NCOA1: variants seen among roughly 807,000 people sequenced by gnomAD.
NCOA1 encodes nuclear receptor coactivator 1.
NCOA1 carries 35 observed loss-of-function variants against 150.9 expected under a neutral mutation model. The observed-to-expected ratio is 0.23, with a 90% confidence interval of 0.18 to 0.31. NCOA1 has a LOEUF of 0.31. NCOA1 is among the 10% of genes least tolerant of loss of function. The pLI is 1.00. For synonymous variants in NCOA1, 590 were observed against 630.0 expected (o/e 0.94, Z 0.95); for missense variants, 1,491 against 1,749.3 (o/e 0.85, Z 2.63).
chr2:24,654,561 G>A (rs1010220522), intron 4 of NCOA1, among the ~76,000 whole-genome samples: 5 of 152,068 alleles, frequency 3.3e-5, no homozygotes, highest in African/African-American at 7.2e-5. Flanking sequence ...TTCAGATACC[G>A]GATTACTAAG....
At position 24,733,200 on chromosome 2, in the gene NCOA1, A is replaced by G. The variant is rs577633824; in HGVS notation, c.3201+3385A>G. 9.2e-5 allele frequency among the ~76,000 whole-genome samples: 14 copies of G among 152,328 alleles called. No individual in the cohort carries two copies. In the South Asian group the frequency reaches 2.9e-3, roughly 32 times the overall value. Reference sequence around the variant, plus strand: ...TTAAATATATTGTTTAAAGTTATATAGTTAAATTCACAGTTGGGATAAAAT... The same window carrying G: ...TTAAATATATTGTTTAAAGTTATATGGTTAAATTCACAGTTGGGATAAAAT... On this transcript the variant is annotated intron_variant, in intron 17 of 22. Transcript: ENST00000348332.
chr2:24,728,553 G>C (rs1662817649), intron 16 of NCOA1, 77 bp downstream of exon 16: 1 of 1,295,502 alleles, frequency 7.7e-7, no homozygotes, highest in Non-Finnish European at 1.1e-6. Context: ...AGATTTTAAA[G>C]TATTGTACCC....
intron 2 of NCOA1, among the ~76,000 whole-genome samples, chr2:24,571,652 T>C (rs551206909): frequency 1.2e-3 from 190 of 152,342 alleles, no homozygotes; most frequent in African/African-American, 4.2e-3. Context: ...CTTTTGTTTC[T>C]CTTAGTGCGC....
intron 1 of NCOA1, among the ~76,000 whole-genome samples, chr2:24,518,292 T>C (rs975011966): frequency 1.3e-5 from 2 of 152,010 alleles, no homozygotes; most frequent in Non-Finnish European, 2.9e-5. Flanking sequence ...AAATTAGAAA[T>C]AGAGATAAGA....
chr2:24,564,489 G>A (rs945172921), intron 2 of NCOA1, 59 bp downstream of exon 2: 5 of 152,174 alleles, frequency 3.3e-5, no homozygotes, highest in African/African-American at 7.2e-5. Flanking sequence ...TTCTAGTGTT[G>A]ATTTCTAGAT....
intron 1 of NCOA1, among the ~76,000 whole-genome samples, chr2:24,555,100 A>G (rs1296997539): frequency 6.6e-6 from 1 of 152,176 alleles, no homozygotes; most frequent in Non-Finnish European, 1.5e-5. Flanking sequence ...CTCTCTCTCT[A>G]GTGAGAGAGA....
intron 1 of NCOA1, among the ~76,000 whole-genome samples, chr2:24,503,733 G>GTT (rs72387328): frequency 9.1e-4 from 120 of 132,066 alleles, no homozygotes; most frequent in Non-Finnish European, 1.3e-3. Context: ...ACTTGTCTCT[G>GTT]TTTTTTTTTT....
Position 24,663,597 on chromosome 2 carries a change from A to T in NCOA1, c.90-2152A>T, listed in dbSNP as rs76268716. On this transcript the variant is annotated intron_variant, in intron 5 of 22. Transcript: ENST00000348332. Reference sequence around the variant, plus strand: ...TGCAATATGAATGGTAATAAAAGGGATTCGTAAAGAGAGAAATATAGTTGA... The same window carrying T: ...TGCAATATGAATGGTAATAAAAGGGTTTCGTAAAGAGAGAAATATAGTTGA... 5.9e-5 allele frequency among the ~76,000 whole-genome samples: 9 copies of T among 152,356 alleles called. No homozygotes were observed. The East Asian group carries it at 1.3e-3, about 23-fold the overall frequency.
rs757582284 is a variant in NCOA1 at position 24,707,227 on chromosome 2, A to G, written c.1757A>G (p.Lys586Arg). Reference protein sequence around the residue: ...QPAKAESKDNKEIASILNEMI... With the variant: ...QPAKAESKDNREIASILNEMI... ...GCAAAAGCTGAGTCCAAAGATAACAAAGAGATTGCCTCAATTTTAAATGAA... is the reference window on the plus strand; with the variant it reads ...GCAAAAGCTGAGTCCAAAGATAACAGAGAGATTGCCTCAATTTTAAATGAA... The change falls in exon 13 of 23, where the codon AAA becomes AGA. Residue 586 changes from lysine to arginine, a missense_variant. Physicochemically the swap from Lys to Arg is conservative, Grantham distance 26 (BLOSUM62 2). Coordinates refer to ENST00000348332, the MANE Select transcript of NCOA1 (RefSeq NM_003743.5). 1.9e-6 allele frequency: 3 copies of G among 1,614,186 alleles called. No homozygotes were observed. The highest frequency in any genetic ancestry group is 2.5e-6 in the Non-Finnish European group (3 of 1,180,024).
chr2:24,756,256 C>G (rs1036280000), intron 20 of NCOA1, among the ~76,000 whole-genome samples: 1 of 151,958 alleles, frequency 6.6e-6, no homozygotes, highest in African/African-American at 2.4e-5. Context: ...CTCCCATCTC[C>G]AAAAACAAAA....
At chr2:24,598,047 C>G (rs1049089413) in intron 3 of NCOA1, among the ~76,000 whole-genome samples, 1 of 151,942 alleles carries the variant, frequency 6.6e-6, no homozygotes, top group Non-Finnish European at 1.5e-5. Flanking sequence ...TTTGTTCTTG[C>G]GATAGTTTGC....
chr2:24,633,102 A>G (rs1485168657), intron 3 of NCOA1, among the ~76,000 whole-genome samples: 5 of 152,204 alleles, frequency 3.3e-5, no homozygotes, highest in Non-Finnish European at 7.4e-5. Flanking sequence ...ACATATATAC[A>G]TATACACACG....
chr2:24,599,258 A>G (rs1376459713), intron 3 of NCOA1, among the ~76,000 whole-genome samples: 1 of 152,252 alleles, frequency 6.6e-6, no homozygotes, highest in Non-Finnish European at 1.5e-5. Context: ...TGGTTTTATC[A>G]TTGTATTCCA....
chr2:24,635,840 T>G (rs1170157923), intron 3 of NCOA1, among the ~76,000 whole-genome samples: 1 of 152,194 alleles, frequency 6.6e-6, no homozygotes, highest in Admixed American at 6.5e-5. Flanking sequence ...AGTTTAAGTT[T>G]CTTTGAGTTT....
intron 6 of NCOA1, among the ~76,000 whole-genome samples, chr2:24,669,795 A>G (rs1282901074): frequency 1.3e-5 from 2 of 152,210 alleles, no homozygotes. Flanking sequence ...GGAAATGCAA[A>G]CTAGAATCAA....
chr2:24,702,347 C>T (rs547120748), intron 11 of NCOA1, among the ~76,000 whole-genome samples: 150 of 152,072 alleles, frequency 9.9e-4, no homozygotes, highest in Non-Finnish European at 1.9e-3. Context: ...TCTTTTTCTG[C>T]ATATATTTAG....
intron 8 of NCOA1, among the ~76,000 whole-genome samples, chr2:24,687,377 A>G (rs1166802398): frequency 6.6e-6 from 1 of 151,182 alleles, no homozygotes; most frequent in Admixed American, 6.6e-5. Context: ...TTTAACTTTT[A>G]TTTTAGATTC....
chr2:24,513,687 T>G (rs1183068386), intron 1 of NCOA1, among the ~76,000 whole-genome samples: 2 of 152,238 alleles, frequency 1.3e-5, no homozygotes, highest in East Asian at 1.9e-4. Context: ...GAGAATAATT[T>G]GACATTATTT....
At chr2:24,576,170 G>GTTTTTTTTTTTTTTTTTTTTTTTTTTT (rs869093026) in intron 2 of NCOA1, among the ~76,000 whole-genome samples, 10 of 46,318 alleles carry the variant, frequency 2.2e-4, no homozygotes, top group South Asian at 8.5e-4. Flanking sequence ...TTTGTTTTTT[G>GTTTTTTTTTTTTTTTTTTTTTTTTTTT]TTTTTTTTTT....
Sources: allele counts gnomAD v4.1 joint callset (sites outside exome capture counted in the v4.1 genomes callset), GRCh38; gene constraint gnomAD v4.1.1; transcripts MANE v1.5; gene names NCBI Gene and HGNC (gene_info 2026-07-23, HGNC 2026-07-21).